Variants in SNX29 observed in about 807,000 individuals in gnomAD.
SNX29 encodes the protein sorting nexin-29.
Under a neutral mutation model 102.1 loss-of-function variants are expected in SNX29, and 78 were observed. The ratio of observed to expected loss-of-function variants is 0.76; its 90% CI spans 0.64 to 0.92. SNX29 has a LOEUF of 0.92. Among genes scored for constraint, SNX29 ranks in the 40% least tolerant of loss-of-function variants. SNX29 has a pLI of 0.00. For synonymous variants in SNX29, 580 were observed against 414.5 expected (o/e 1.40, Z -4.85); for missense variants, 1,280 against 1,061.7 (o/e 1.21, Z -2.86).
chr16:12,324,197 A>G (rs1226939811), intron 15 of SNX29, among the ~76,000 whole-genome samples: 1 of 151,676 alleles, frequency 6.6e-6, no homozygotes, highest in Non-Finnish European at 1.5e-5. Context: ...CCATGAGTTT[A>G]CATTGAGGAC....
chr16:12,099,840 GA>G (rs2052933927), intron 11 of SNX29, among the ~76,000 whole-genome samples: 2 of 152,140 alleles, frequency 1.3e-5, no homozygotes, highest in South Asian at 2.1e-4. Flanking sequence ...GCCTGGCTCT[GA>G]GATGGAAGGA....
At chr16:12,553,600 A>ACCCCCCAC (rs374040469) in intron 20 of SNX29, among the ~76,000 whole-genome samples, 26 of 103,882 alleles carry the variant, frequency 2.5e-4, no homozygotes, top group African/African-American at 9.2e-4. Flanking sequence ...CCCACCCCCC[A>ACCCCCCAC]CCCCTGCAAG....
At chr16:12,041,204 C>T (rs900698261) in intron 4 of SNX29, among the ~76,000 whole-genome samples, 3 of 150,508 alleles carry the variant, frequency 2.0e-5, no homozygotes, top group African/African-American at 7.3e-5. Flanking sequence ...TTCTGCCTAC[C>T]GGGTTCAAAT....
chr16:12,123,194 G>T (rs1196277496), intron 11 of SNX29, among the ~76,000 whole-genome samples: 2 of 152,108 alleles, frequency 1.3e-5, no homozygotes, highest in African/African-American at 4.8e-5. Flanking sequence ...ATGATGATTT[G>T]ATGTATCTCT....
At chr16:12,452,971 CT>C (rs1398351623) in intron 18 of SNX29, among the ~76,000 whole-genome samples, 1 of 152,150 alleles carries the variant, frequency 6.6e-6, no homozygotes, top group East Asian at 1.9e-4. Flanking sequence ...TTCGTCTTGG[CT>C]AGTTGCTAGG....
intron 14 of SNX29, among the ~76,000 whole-genome samples, chr16:12,224,987 G>C (rs2077573333): frequency 6.6e-6 from 1 of 152,214 alleles, no homozygotes; most frequent in Non-Finnish European, 1.5e-5. Flanking sequence ...GTTCCAGCAA[G>C]GGTGGGATAG....
At chr16:12,516,210 T>A (rs2089857232) in intron 19 of SNX29, among the ~76,000 whole-genome samples, 1 of 152,142 alleles carries the variant, frequency 6.6e-6, no homozygotes, top group Non-Finnish European at 1.5e-5. Context: ...CCAGGCGTGG[T>A]GGCTCACACC....
intron 15 of SNX29, among the ~76,000 whole-genome samples, chr16:12,353,083 C>T (rs989564105): frequency 1.3e-5 from 2 of 152,164 alleles, no homozygotes; most frequent in East Asian, 1.9e-4. Flanking sequence ...CCTTCCCTGA[C>T]ACCCTGTCTT....
chr16:12,066,781 A>T (rs954357393), intron 9 of SNX29, among the ~76,000 whole-genome samples: 2 of 151,822 alleles, frequency 1.3e-5, no homozygotes, highest in African/African-American at 2.4e-5. Flanking sequence ...TCCTTGGGCC[A>T]TTCCAGTTGA....
At chr16:12,062,197 G>A (rs1373504685) in intron 9 of SNX29, among the ~76,000 whole-genome samples, 1 of 151,914 alleles carries the variant, frequency 6.6e-6, no homozygotes, top group East Asian at 1.9e-4. Flanking sequence ...TGGCCAACAT[G>A]GTGAAGCCCT....
intron 15 of SNX29, among the ~76,000 whole-genome samples, chr16:12,290,903 G>C (rs542551708): frequency 9.8e-5 from 15 of 152,308 alleles, no homozygotes; most frequent in African/African-American, 3.4e-4. Context: ...CTGGATCCCT[G>C]AGTCACTGCT....
At chr16:12,201,818 A>G (rs775350182) in intron 14 of SNX29, among the ~76,000 whole-genome samples, 2 of 152,268 alleles carry the variant, frequency 1.3e-5, no homozygotes, top group Admixed American at 6.5e-5. Context: ...CGGGTTAAAA[A>G]GAAGCACCAC....
At chr16:12,376,302 G>A (rs919033205) in intron 16 of SNX29, among the ~76,000 whole-genome samples, 3 of 152,306 alleles carry the variant, frequency 2.0e-5, no homozygotes, top group East Asian at 3.9e-4. Flanking sequence ...AGGTGAAGCC[G>A]AGCAATCGCT....
intron 20 of SNX29, among the ~76,000 whole-genome samples, chr16:12,530,745 G>T (rs571069133): frequency 6.6e-6 from 1 of 151,996 alleles, no homozygotes; most frequent in African/African-American, 2.4e-5. Flanking sequence ...TAGTAGAGAC[G>T]GGGTTTCTTC....
chr16:12,027,474 G>A, intron 4 of SNX29, 30 bp downstream of exon 4: 5 of 1,611,714 alleles, frequency 3.1e-6, no homozygotes, highest in Non-Finnish European at 4.2e-6. Context: ...TAGCTTGGAG[G>A]AGCTTGTCTT....
chr16:12,453,872 C>A (rs1303569303), intron 18 of SNX29, among the ~76,000 whole-genome samples: 2 of 152,152 alleles, frequency 1.3e-5, no homozygotes, highest in African/African-American at 2.4e-5. Context: ...TGTCCCCTGG[C>A]CTTCCATCAA....
At chr16:12,497,046 T>C (rs1567623689) in intron 19 of SNX29, among the ~76,000 whole-genome samples, 1 of 152,026 alleles carries the variant, frequency 6.6e-6, no homozygotes, top group Non-Finnish European at 1.5e-5. Flanking sequence ...GGTAGCATGG[T>C]AATGGTAGGA....
At chr16:12,136,444 C>A (rs954643070) in intron 13 of SNX29, among the ~76,000 whole-genome samples, 1 of 152,198 alleles carries the variant, frequency 6.6e-6, no homozygotes, top group Non-Finnish European at 1.5e-5. Context: ...CCTTTGATGG[C>A]AGAAACCCAC....
intron 19 of SNX29, among the ~76,000 whole-genome samples, chr16:12,509,656 C>A (rs1411827529): frequency 2.6e-5 from 4 of 152,170 alleles, no homozygotes; most frequent in Non-Finnish European, 5.9e-5. Context: ...TAGTGGCTTA[C>A]ACCTGTAATC....
Sources: allele counts gnomAD v4.1 joint callset (sites outside exome capture counted in the v4.1 genomes callset), GRCh38; gene constraint gnomAD v4.1.1; transcripts MANE v1.5; gene names NCBI Gene and HGNC (gene_info 2026-07-23, HGNC 2026-07-21).